LRRC1: variants seen among roughly 807,000 people sequenced by gnomAD.
LRRC1 encodes leucine-rich repeat-containing protein 1.
Under a neutral mutation model 69.9 loss-of-function variants are expected in LRRC1, and 28 were observed. That is an observed-to-expected ratio of 0.40 (90% CI 0.30 to 0.55). The LOEUF (loss-of-function observed/expected upper bound fraction) is 0.55, where lower values mean the gene tolerates loss of function less well. Ranked by LOEUF, LRRC1 falls within the 20% of genes least tolerant of loss-of-function variation. The pLI, the probability that LRRC1 is intolerant of heterozygous loss-of-function variation, is 0.47. For missense variants in LRRC1, 498 were observed against 609.0 expected (o/e 0.82, Z 1.92); for synonymous variants, 236 against 240.2 (o/e 0.98, Z 0.16).
At chr6:53,856,232 T>G (rs1174119107) in intron 2 of LRRC1, among the ~76,000 whole-genome samples, 1 of 152,224 alleles carries the variant, frequency 6.6e-6, no homozygotes, top group East Asian at 1.9e-4. Context: ...AGAATGAGTT[T>G]TATTCTTTCA....
At chr6:53,892,011 T>TACACACACACACACACACACACAC (rs70980877) in intron 4 of LRRC1, among the ~76,000 whole-genome samples, 7 of 135,338 alleles carry the variant, frequency 5.2e-5, no homozygotes, top group Non-Finnish European at 1.1e-4. Flanking sequence ...TATATATATA[T>TACACACACACACACACACACACAC]ACACACACAC....
At chr6:53,825,919 T>C (rs1273301507) in intron 1 of LRRC1, among the ~76,000 whole-genome samples, 1 of 152,090 alleles carries the variant, frequency 6.6e-6, no homozygotes, top group African/African-American at 2.4e-5. Context: ...TCTTTCACTT[T>C]CCTTCTGTGG....
chr6:53,798,618 AC>A (rs1364845406), intron 1 of LRRC1, among the ~76,000 whole-genome samples: 2 of 152,094 alleles, frequency 1.3e-5, no homozygotes, highest in African/African-American at 4.8e-5. Flanking sequence ...TGACCTCATG[AC>A]CCACCCGCCT....
intron 1 of LRRC1, among the ~76,000 whole-genome samples, chr6:53,802,612 GTT>G (rs1189424026): frequency 6.6e-6 from 1 of 152,158 alleles, no homozygotes; most frequent in Admixed American, 6.5e-5. Context: ...GGTAGGAAGA[GTT>G]TGCTTATTTT....
rs1041415829 is a variant in LRRC1, at chr6:53,923,444, C to G, written c.*651C>G. 4 of 152,570 alleles carry G rather than the reference C, an allele frequency of 2.6e-5. No individual in the cohort carries two copies. The highest frequency in any genetic ancestry group is 5.9e-5 in the Non-Finnish European group (4 of 68,044). The allele number at this position is 152,570 out of a possible 1,614,324, so 9.5% of individuals were successfully genotyped here. On this transcript the variant is annotated 3_prime_UTR_variant, in exon 14 of 14. Transcript: ENST00000370888. ...AGTTGTAAACAATGGCATCTTTGAA[C>G]AGTGTGATGAGAATAGGAATGTGGT...
intron 2 of LRRC1, among the ~76,000 whole-genome samples, chr6:53,856,503 C>G (rs184859219): frequency 2.9e-4 from 44 of 152,228 alleles, no homozygotes; most frequent in Admixed American, 1.3e-3. Context: ...AGGCTCTGAG[C>G]AGCAAGATGC....
At chr6:53,812,549 G>A (rs1464649300) in intron 1 of LRRC1, among the ~76,000 whole-genome samples, 2 of 151,946 alleles carry the variant, frequency 1.3e-5, no homozygotes, top group Non-Finnish European at 2.9e-5. Context: ...AATCAGCCGG[G>A]CGTGGTGGCG....
At chr6:53,826,820 T>C (rs1008330582) in intron 1 of LRRC1, among the ~76,000 whole-genome samples, 8 of 152,120 alleles carry the variant, frequency 5.3e-5, no homozygotes, top group African/African-American at 1.4e-4. Flanking sequence ...ACCATTTTAA[T>C]AGCTGAGACT....
chr6:53,912,138 G>C (rs941964018), intron 10 of LRRC1, among the ~76,000 whole-genome samples: 1 of 152,210 alleles, frequency 6.6e-6, no homozygotes, highest in Admixed American at 6.5e-5. Flanking sequence ...ATGGTGGGTA[G>C]ATAGCGTGAA....
rs536947872 is a variant in LRRC1, at chr6:53,912,264, G to A, written c.991-1590G>A. On this transcript the variant is annotated intron_variant, in intron 10 of 13. Coordinates refer to ENST00000370888, the MANE Select transcript of LRRC1 (RefSeq NM_018214.5). ...TTTTGTGCTGTCAGAGGGTTAGACC[G>A]TAATTATGAAATGCGTGTTATTATA... Among the ~76,000 whole-genome samples the A allele has an allele frequency of 9.9e-5, 15 of 152,258 alleles. No individual in the cohort carries two copies. The East Asian group carries it at 1.9e-3, about 20-fold the overall frequency.
In LRRC1 at chr6:53,922,973, G is replaced by A. The variant is rs142891913; in HGVS notation, c.*180G>A. The A allele has an allele frequency of 1.2e-3, 659 of 532,390 alleles. 3 individuals are homozygous for A. The highest frequency in any genetic ancestry group is 7.0e-3 in the African/African-American group (372 of 53,156). The allele number at this position is 532,390 out of a possible 1,614,324, so 33.0% of individuals were successfully genotyped here. ...CTTACTCATCCCGCAACCAGTCAGC[G>A]CACCAGTGGTCTCCCGGTGTGATTT... On this transcript the variant is annotated 3_prime_UTR_variant, in exon 14 of 14. Transcript: ENST00000370888.
At chr6:53,838,751 A>C (rs1165761350) in intron 1 of LRRC1, among the ~76,000 whole-genome samples, 1 of 152,202 alleles carries the variant, frequency 6.6e-6, no homozygotes, top group African/African-American at 2.4e-5. Context: ...ATTAAATCTC[A>C]ACTGCATGAG....
At chr6:53,857,973 A>G (rs183868546) in intron 2 of LRRC1, among the ~76,000 whole-genome samples, 3 of 152,352 alleles carry the variant, frequency 2.0e-5, no homozygotes, top group Non-Finnish European at 2.9e-5. Context: ...CACTCTGCTC[A>G]TAATGTGTAC....
intron 2 of LRRC1, among the ~76,000 whole-genome samples, chr6:53,845,473 C>T (rs1383086263): frequency 2.6e-5 from 4 of 152,144 alleles, no homozygotes; most frequent in East Asian, 3.9e-4. Context: ...GTGAGGTTTG[C>T]GGCTGGTGCC....
At chr6:53,820,702 A>T (rs1383190968) in intron 1 of LRRC1, among the ~76,000 whole-genome samples, 1 of 152,082 alleles carries the variant, frequency 6.6e-6, no homozygotes, top group Admixed American at 6.6e-5. Flanking sequence ...ATTTAAGGAC[A>T]TGGGAAATTA....
At chr6:53,811,017 T>C (rs1293502020) in intron 1 of LRRC1, among the ~76,000 whole-genome samples, 1 of 152,234 alleles carries the variant, frequency 6.6e-6, no homozygotes, top group East Asian at 1.9e-4. Flanking sequence ...GACTTACTTA[T>C]GTGTTTCTAC....
At chr6:53,801,251 A>G (rs1476443851) in intron 1 of LRRC1, among the ~76,000 whole-genome samples, 1 of 152,328 alleles carries the variant, frequency 6.6e-6, no homozygotes, top group African/African-American at 2.4e-5. Flanking sequence ...CTACTGTTGT[A>G]TTTAAAACAT....
rs150610368 is a variant in LRRC1, at chr6:53,851,782, G to C, written c.277+9555G>C. ...TTCACAACTTCCTAGTGAGTAACAT[G>C]TTTATAGGAAACTCAGATGCCTGTC... On this transcript the variant is annotated intron_variant, in intron 2 of 13. Transcript: ENST00000370888. Among the ~76,000 whole-genome samples, 33 of 152,226 alleles carry C rather than the reference G, an allele frequency of 2.2e-4. No homozygotes were observed. The East Asian group carries it at 6.2e-3, about 29-fold the overall frequency.
intron 2 of LRRC1, among the ~76,000 whole-genome samples, chr6:53,858,283 A>G (rs1043327283): frequency 2.6e-5 from 4 of 151,984 alleles, no homozygotes; most frequent in African/African-American, 9.7e-5. Flanking sequence ...TTTTAATTAT[A>G]AAAGCAATAT....
Sources: gnomAD v4.1 joint callset for allele counts (sites outside exome capture counted in the v4.1 genomes callset) on GRCh38, gnomAD v4.1.1 for gene constraint, MANE v1.5 for transcripts, NCBI Gene and HGNC (gene_info 2026-07-23, HGNC 2026-07-21) for gene names.